ALG5: variants seen among roughly 807,000 people sequenced by gnomAD.
ALG5 encodes the protein ALG5 dolichyl-phosphate beta-glucosyltransferase.
A neutral mutation model predicts 51.8 loss-of-function variants in ALG5; 26 were observed. The ratio of observed to expected loss-of-function variants is 0.50; its 90% confidence interval spans 0.37 to 0.70. The LOEUF (loss-of-function observed/expected upper bound fraction) is 0.70. Among genes scored for constraint, ALG5 ranks in the 30% least tolerant of loss-of-function variants. The pLI is 0.00. For missense variants in ALG5, 311 were observed against 399.3 expected, an observed-to-expected ratio of 0.78 and a Z score of 1.88; for synonymous variants, 141 against 136.1, an observed-to-expected ratio of 1.04 and a Z score of -0.25.
chr13:36,976,938 C>T (rs1253725629), intron 6 of ALG5, among the ~76,000 whole-genome samples: 3 of 152,174 alleles, frequency 2.0e-5, no homozygotes, highest in African/African-American at 4.8e-5. Flanking sequence ...AGAGCAACAA[C>T]ACTATTGAGT....
chr13:36,965,451 C>T, intron 8 of ALG5, 124 bp downstream of exon 8: 1 of 1,019,042 alleles, frequency 9.8e-7, no homozygotes. Context: ...ATCAAGTTTA[C>T]ATACATTATT....
intron 7 of ALG5, chr13:36,967,892 G>T: frequency 1.1e-6 from 1 of 890,298 alleles, no homozygotes; most frequent in Non-Finnish European, 1.5e-6. Flanking sequence ...TATTCTCCTT[G>T]AGTGATTTTT....
At chr13:36,956,482 T>TA (rs1320401382) in intron 8 of ALG5, among the ~76,000 whole-genome samples, 3 of 151,694 alleles carry the variant, frequency 2.0e-5, no homozygotes, top group African/African-American at 7.2e-5. Flanking sequence ...TTTGAGTATT[T>TA]ATCCAAAAGA....
At chr13:36,995,302 A>T (rs1228314460) in intron 2 of ALG5, 123 bp downstream of exon 2, 1 of 1,049,018 alleles carries the variant, frequency 9.5e-7, no homozygotes, top group Non-Finnish European at 1.4e-6. Context: ...AACAATTATC[A>T]ACTGTGTGCT....
intron 8 of ALG5, among the ~76,000 whole-genome samples, chr13:36,953,203 G>C (rs2058825719): frequency 6.6e-6 from 1 of 152,116 alleles, no homozygotes; most frequent in Admixed American, 6.5e-5. Context: ...TACTCTTTGG[G>C]TATAATTAAT....
At chr13:36,983,921 T>C (rs2058990658) in intron 6 of ALG5, among the ~76,000 whole-genome samples, 1 of 152,040 alleles carries the variant, frequency 6.6e-6, no homozygotes, top group Non-Finnish European at 1.5e-5. Flanking sequence ...CTGTAATTAT[T>C]ATTAAATTTG....
Position 36,958,937 on chromosome 13 carries a change from T to C in ALG5, c.774-6338A>G, listed in dbSNP as rs538923724. ...GCAACCCCCTTTGGGTCCCCTCCCA[T>C]TGTATGGGAGCTCTGTTTTCACTCT... On this transcript the variant is annotated intron_variant, in intron 8 of 9. Coordinates refer to ENST00000239891, the MANE Select transcript of ALG5 (RefSeq NM_013338.5). Among the ~76,000 whole-genome samples, 21 of 152,108 alleles carry C rather than the reference T, an allele frequency of 1.4e-4. No homozygotes were observed. In the East Asian group the frequency reaches 3.7e-3, roughly 27 times the overall value.
At chr13:36,979,375 T>C (rs2138811601) in intron 6 of ALG5, among the ~76,000 whole-genome samples, 1 of 152,300 alleles carries the variant, frequency 6.6e-6, no homozygotes, top group South Asian at 2.1e-4. Flanking sequence ...AGTTCTCTTT[T>C]GGAAGCCTGC....
intron 9 of ALG5, among the ~76,000 whole-genome samples, chr13:36,951,582 C>T (rs2058818086): frequency 6.6e-6 from 1 of 152,142 alleles, no homozygotes; most frequent in African/African-American, 2.4e-5. Context: ...AATTTAGGTT[C>T]ATTCTAAGGT....
chr13:36,956,157 A>T (rs538529286), intron 8 of ALG5, among the ~76,000 whole-genome samples: 1 of 152,336 alleles, frequency 6.6e-6, no homozygotes, highest in African/African-American at 2.4e-5. Context: ...CCATAGAAAG[A>T]AAACAATTAA....
At chr13:36,983,392 A>C (rs2058988049) in intron 6 of ALG5, among the ~76,000 whole-genome samples, 1 of 152,216 alleles carries the variant, frequency 6.6e-6, no homozygotes, top group Non-Finnish European at 1.5e-5. Context: ...GAACTACAAC[A>C]TATCCAACAA....
chr13:36,953,120 T>A (rs1383330899), intron 8 of ALG5, among the ~76,000 whole-genome samples: 1 of 152,142 alleles, frequency 6.6e-6, no homozygotes, highest in African/African-American at 2.4e-5. Flanking sequence ...CTGTTCCCCT[T>A]CCCTGTGGTG....
At chr13:36,965,812 T>A (rs1032324869) in intron 7 of ALG5, 86 bp from the exon 8 acceptor site, 4 of 1,111,334 alleles carry the variant, frequency 3.6e-6, no homozygotes, top group Middle Eastern at 2.9e-4. Flanking sequence ...CAACTGTATT[T>A]TAATATTTAA....
At chr13:36,987,641 G>A (rs1215731682) in intron 5 of ALG5, among the ~76,000 whole-genome samples, 1 of 152,182 alleles carries the variant, frequency 6.6e-6, no homozygotes, top group Non-Finnish European at 1.5e-5. Flanking sequence ...ACAGCATGCA[G>A]AACCGTCAAT....
intron 4 of ALG5, among the ~76,000 whole-genome samples, chr13:36,991,926 C>T (rs1053264809): frequency 6.6e-6 from 1 of 152,162 alleles, no homozygotes; most frequent in African/African-American, 2.4e-5. Context: ...AACCACCATG[C>T]CCAGCCCAGA....
At chr13:36,976,425 CAAAAAAAAAAAAAAAA>C (rs57192095) in intron 6 of ALG5, among the ~76,000 whole-genome samples, 1 of 36,614 alleles carries the variant, frequency 2.7e-5, no homozygotes, top group African/African-American at 7.0e-5. Context: ...GACTCTGTCT[CAAAAAAAAAAAAAAAA>C]AAAAAAAAAG....
intron 6 of ALG5, among the ~76,000 whole-genome samples, chr13:36,978,924 AAAAAAAAAGG>A (rs1301220739): frequency 6.6e-6 from 1 of 151,322 alleles, no homozygotes; most frequent in Non-Finnish European, 1.5e-5. Flanking sequence ...TCAATTAAAA[AAAAAAAAAGG>A]AAAAAAAAAG....
intron 6 of ALG5, among the ~76,000 whole-genome samples, chr13:36,984,338 T>G (rs1413583428): frequency 7.9e-5 from 12 of 152,108 alleles, no homozygotes; most frequent in African/African-American, 2.9e-4. Flanking sequence ...TGGCCTCAAG[T>G]GATCTTCCTG....
intron 8 of ALG5, among the ~76,000 whole-genome samples, chr13:36,958,753 C>T (rs1320762416): frequency 6.6e-6 from 1 of 152,128 alleles, no homozygotes; most frequent in Admixed American, 6.5e-5. Flanking sequence ...GCTTGTAACT[C>T]AGCTCACACC....
Sources: allele counts gnomAD v4.1 joint callset (sites outside exome capture counted in the v4.1 genomes callset), GRCh38; gene constraint gnomAD v4.1.1; transcripts MANE v1.5; gene names NCBI Gene and HGNC (gene_info 2026-07-23, HGNC 2026-07-21).